Variants in ERC2 observed in about 807,000 individuals in gnomAD.
ERC2 encodes ELKS/RAB6-interacting/CAST family member 2.
ERC2 carries 42 observed loss-of-function variants against 114.8 expected under a neutral mutation model. The observed-to-expected ratio is 0.37, with a 90% CI of 0.29 to 0.47. The LOEUF (loss-of-function observed/expected upper bound fraction) is 0.47. Ranked by LOEUF, ERC2 falls within the 20% of genes least tolerant of loss-of-function variation. ERC2 has a pLI of 0.99. For synonymous variants in ERC2, 454 were observed against 425.5 expected (o/e 1.07, Z -0.82); for missense variants, 939 against 1,150.7 (o/e 0.82, Z 2.66).
intron 3 of ERC2, among the ~76,000 whole-genome samples, chr3:56,243,015 T>G (rs1032139450): frequency 6.6e-6 from 1 of 152,184 alleles, no homozygotes; most frequent in East Asian, 1.9e-4. Flanking sequence ...TTACCCTTCT[T>G]TTTGTAAGTT....
chr3:56,282,779 A>AC (rs888130170), intron 3 of ERC2, among the ~76,000 whole-genome samples: 4 of 152,118 alleles, frequency 2.6e-5, no homozygotes, highest in African/African-American at 9.7e-5. Flanking sequence ...TAAGCCCAAC[A>AC]ACCCTCAAAT....
intron 14 of ERC2, among the ~76,000 whole-genome samples, chr3:55,817,911 A>C (rs2059967903): frequency 6.6e-6 from 1 of 152,222 alleles, no homozygotes; most frequent in Non-Finnish European, 1.5e-5. Context: ...AGGACAGAGC[A>C]GCTCCAGGTG....
intron 17 of ERC2, among the ~76,000 whole-genome samples, chr3:55,562,391 G>A (rs2056085145): frequency 6.6e-6 from 1 of 152,006 alleles, no homozygotes; most frequent in Non-Finnish European, 1.5e-5. Flanking sequence ...GATCTCAGGT[G>A]TTCCAACTCC....
At chr3:56,227,186 G>A (rs2050302683) in intron 3 of ERC2, among the ~76,000 whole-genome samples, 1 of 151,970 alleles carries the variant, frequency 6.6e-6, no homozygotes, top group South Asian at 2.1e-4. Flanking sequence ...CATTCTTAAT[G>A]TTAAATACAG....
intron 7 of ERC2, among the ~76,000 whole-genome samples, chr3:56,071,149 T>C (rs1307333538): frequency 6.6e-6 from 1 of 152,140 alleles, no homozygotes; most frequent in Non-Finnish European, 1.5e-5. Flanking sequence ...CCCAGTACCT[T>C]TGAGGCAGCC....
chr3:56,375,964 A>G (rs2059525796), intron 2 of ERC2, among the ~76,000 whole-genome samples: 1 of 152,188 alleles, frequency 6.6e-6, no homozygotes, highest in Non-Finnish European at 1.5e-5. Context: ...ACAGCCCATG[A>G]GAAACTGATG....
At chr3:55,665,711 T>C (rs185350558) in intron 17 of ERC2, among the ~76,000 whole-genome samples, 30 of 152,280 alleles carry the variant, frequency 2.0e-4, no homozygotes, top group African/African-American at 7.2e-4. Context: ...CAGAACCTTG[T>C]TATGGCAGCC....
chr3:55,992,319 A>C, intron 10 of ERC2, 69 bp from the exon 11 acceptor site: 1 of 1,343,052 alleles, frequency 7.4e-7, no homozygotes, highest in Non-Finnish European at 1.0e-6. Flanking sequence ...TGCTGTCACC[A>C]ATGGTCCAGA....
intron 3 of ERC2, among the ~76,000 whole-genome samples, chr3:56,212,375 A>G (rs1329877818): frequency 1.3e-5 from 2 of 152,218 alleles, no homozygotes; most frequent in East Asian, 1.9e-4. Context: ...ACTAATAATC[A>G]GGGAAATGCA....
chr3:55,596,874 G>A, intron 17 of ERC2, among the ~76,000 whole-genome samples: 1 of 152,078 alleles, frequency 6.6e-6, no homozygotes, highest in East Asian at 1.9e-4. Flanking sequence ...TGATTATGAG[G>A]ATTTTAATGC....
At chr3:56,237,004 C>T (rs1206827246) in intron 3 of ERC2, among the ~76,000 whole-genome samples, 1 of 152,198 alleles carries the variant, frequency 6.6e-6, no homozygotes, top group African/African-American at 2.4e-5. Flanking sequence ...ACTGACCTCT[C>T]GCAGGACATC....
intron 13 of ERC2, among the ~76,000 whole-genome samples, chr3:55,895,074 C>T (rs548676626): frequency 3.2e-4 from 49 of 152,266 alleles, no homozygotes; most frequent in East Asian, 1.2e-3. Flanking sequence ...CAGCTTGCAG[C>T]GATCAAAAGC....
At chr3:56,200,155 G>A (rs1480666394) in intron 3 of ERC2, among the ~76,000 whole-genome samples, 1 of 151,894 alleles carries the variant, frequency 6.6e-6, no homozygotes, top group Non-Finnish European at 1.5e-5. Context: ...ACCAGGGCCA[G>A]TACATTAGGT....
intron 2 of ERC2, among the ~76,000 whole-genome samples, chr3:56,318,961 C>CAAAAAAA (rs35256298): frequency 6.1e-5 from 5 of 81,588 alleles, no homozygotes; most frequent in East Asian, 4.5e-4. Context: ...GACCCTGTCT[C>CAAAAAAA]AAAAAAAAAA....
chr3:55,738,327 G>T (rs1445470), intron 14 of ERC2, among the ~76,000 whole-genome samples: 2 of 151,990 alleles, frequency 1.3e-5, no homozygotes, highest in African/African-American at 4.8e-5. Flanking sequence ...ACCATTTCAA[G>T]GTGACAGGAT....
At chr3:55,725,145 G>A (rs1417788502) in intron 15 of ERC2, among the ~76,000 whole-genome samples, 1 of 152,006 alleles carries the variant, frequency 6.6e-6, no homozygotes, top group Non-Finnish European at 1.5e-5. Context: ...AGTGCTGTGG[G>A]GTGCTTCAAG....
chr3:56,373,128 T>C (rs2059415778), intron 2 of ERC2, among the ~76,000 whole-genome samples: 1 of 152,222 alleles, frequency 6.6e-6, no homozygotes, highest in Non-Finnish European at 1.5e-5. Context: ...TTCCAAATTA[T>C]TTGAGATAAC....
intron 11 of ERC2, among the ~76,000 whole-genome samples, chr3:55,991,438 A>G (rs1392013043): frequency 4.6e-5 from 7 of 152,242 alleles, no homozygotes; most frequent in Non-Finnish European, 8.8e-5. Context: ...CAATACGGAT[A>G]TGATTTATCT....
At chr3:55,920,948 A>G (rs1260580593) in intron 13 of ERC2, among the ~76,000 whole-genome samples, 1 of 152,076 alleles carries the variant, frequency 6.6e-6, no homozygotes, top group Non-Finnish European at 1.5e-5. Context: ...GAAAGTGATG[A>G]CACTGGGCTT....
Sources: allele counts gnomAD v4.1 joint callset (sites outside exome capture counted in the v4.1 genomes callset), GRCh38; gene constraint gnomAD v4.1.1; transcripts MANE v1.5; gene names NCBI Gene and HGNC (gene_info 2026-07-23, HGNC 2026-07-21).